The following STAT5A variants were observed in gnomAD, a reference collection of about 807,000 sequenced individuals.
The protein encoded by STAT5A is epididymis secretory sperm binding protein.
Under a neutral mutation model 100.2 loss-of-function variants are expected in STAT5A, and 26 were observed. The ratio of observed to expected loss-of-function variants is 0.26; its 90% confidence interval spans 0.19 to 0.36. The LOEUF is 0.36. Among genes scored for constraint, STAT5A ranks in the 10% least tolerant of loss-of-function variants. The pLI is 1.00. For missense variants in STAT5A, 634 were observed against 1,027.5 expected (o/e 0.62, Z 5.24); for synonymous variants, 330 against 424.3 (o/e 0.78, Z 2.73).
chr17:42,307,832 G>A (rs2081044540), intron 15 of STAT5A, 109 bp downstream of exon 15: 1 of 1,484,796 alleles, frequency 6.7e-7, no homozygotes, highest in East Asian at 2.3e-5. Flanking sequence ...TACCCAGCGG[G>A]AAGCTTAGTA....
In STAT5A at chr17:42,309,421, A is replaced by G. The variant is rs2144564433; in HGVS notation, c.2159A>G (p.Tyr720Cys). 1.2e-6 allele frequency: 2 copies of G among 1,613,566 alleles called. No individual in the cohort carries two copies. The highest frequency in any genetic ancestry group is 1.1e-5 in the South Asian group (1 of 91,050). Reference sequence around the variant, plus strand: ...GATGCTGGGGGCAGCAGCGCCACGTACATGGACCAGGCCCCCTCCCCAGCT... The same window carrying G: ...GATGCTGGGGGCAGCAGCGCCACGTGCATGGACCAGGCCCCCTCCCCAGCT... ...SADAGGSSAT[Y>C]MDQAPSPAVC... is the part of the protein sequence containing the mutation. The change falls in exon 18 of 19, where the codon TAC becomes TGC. Residue 720 changes from tyrosine (Y) to cysteine (C), a missense_variant. Around this residue, in one of 5 missense-constraint regions of STAT5A, gnomAD observed 210 missense variants for 428.4 expected, o/e 0.49. Transcript: ENST00000590949.
At chr17:42,299,941 C>T in intron 6 of STAT5A, 60 bp downstream of exon 6, 9 of 1,544,472 alleles carry the variant, frequency 5.8e-6, no homozygotes, top group Non-Finnish European at 7.9e-6. Flanking sequence ...CTCTGGGGAC[C>T]CGAGGGAGGG....
chr17:42,295,215 G>C (rs116313008), intron 4 of STAT5A, among the ~76,000 whole-genome samples: 164 of 152,276 alleles, frequency 1.1e-3, no homozygotes, highest in African/African-American at 3.7e-3. Flanking sequence ...CCATGGTATT[G>C]AGTCAGCAAA....
chr17:42,300,734 A>G lies in STAT5A; in HGVS notation c.853A>G (p.Ile285Val). 1 of 1,613,630 alleles carries G rather than the reference A, an allele frequency of 6.2e-7. No homozygotes were observed. Among genetic ancestry groups the G allele is most frequent in the Non-Finnish European group, 8.5e-7 (1 of 1,179,800 alleles). ...LQSWCEKLAE[I>V]IWQNRQQIRR... ...GTGCAGGTGTGAGAAGTTGGCCGAGATCATCTGGCAGAACCGGCAGCAGAT... is the reference window on the plus strand; with the variant it reads ...GTGCAGGTGTGAGAAGTTGGCCGAGGTCATCTGGCAGAACCGGCAGCAGAT... The change falls in exon 8 of 19, where the codon ATC (isoleucine) becomes GTC (valine). Residue 285 changes from isoleucine (I) to valine (V), a missense_variant. This residue lies in a region of STAT5A where 98 missense variants were observed against 149.7 expected (regional missense o/e 0.65). Transcript: ENST00000590949.
chr17:42,289,614 G>A (rs543778778), intron 2 of STAT5A, 75 bp downstream of exon 2: 1 of 1,551,266 alleles, frequency 6.4e-7, no homozygotes, highest in Non-Finnish European at 8.7e-7. Flanking sequence ...TTTTACTCAT[G>A]GTGGTTTGGT....
At chr17:42,305,737 C>G (rs900545651) in intron 12 of STAT5A, 35 bp downstream of exon 12, 6 of 1,608,356 alleles carry the variant, frequency 3.7e-6, no homozygotes, top group South Asian at 1.1e-5. Flanking sequence ...CCAGCACCCC[C>G]AGGCCCTAGG....
intron 4 of STAT5A, 38 bp downstream of exon 4, chr17:42,292,099 G>T (rs1238976519): frequency 1.9e-6 from 3 of 1,607,652 alleles, no homozygotes; most frequent in Non-Finnish European, 2.6e-6. Flanking sequence ...GTGTTGAGAA[G>T]TCCCTCCATA....
At chr17:42,298,450 C>G (rs540016197) in intron 5 of STAT5A, among the ~76,000 whole-genome samples, 2 of 147,790 alleles carry the variant, frequency 1.4e-5, no homozygotes, top group South Asian at 2.2e-4. Flanking sequence ...CGTAAGCCAC[C>G]GAGCCTGGCA....
chr17:42,309,993 C>T (rs577822595), intron 18 of STAT5A, among the ~76,000 whole-genome samples: 2 of 152,344 alleles, frequency 1.3e-5, no homozygotes, highest in African/African-American at 2.4e-5. Context: ...ATCCGGACTC[C>T]ACCACCTCCC....
At chr17:42,295,883 A>G in intron 5 of STAT5A, 90 bp downstream of exon 5, 3 of 1,546,092 alleles carry the variant, frequency 1.9e-6, no homozygotes, top group Non-Finnish European at 1.7e-6. Context: ...GTCAGTGTCC[A>G]TCTCCTCAGC....
Position 42,307,629 on chromosome 17 carries a change from C to G in STAT5A, c.1812C>G (p.His604Gln). The change falls in exon 15 of 19, where the codon CAC (histidine) becomes CAG (glutamine). Residue 604 changes from histidine to glutamine, a missense_variant. This residue lies in a region of STAT5A where 210 missense variants were observed against 428.4 expected (regional missense o/e 0.49). Transcript: ENST00000590949. ...ILGFVNKQQA[H>Q]DLLINKPDGT... is the part of the protein sequence containing the mutation. Reference sequence around the variant, plus strand: ...GTTTTGTGAATAAGCAACAGGCCCACGACCTGCTCATCAACAAGCCCGACG... The same window carrying G: ...GTTTTGTGAATAAGCAACAGGCCCAGGACCTGCTCATCAACAAGCCCGACG... 1 of 1,614,080 alleles carries G rather than the reference C, an allele frequency of 6.2e-7. No homozygotes were observed. Among genetic ancestry groups the G allele is most frequent in the Non-Finnish European group, 8.5e-7 (1 of 1,180,016 alleles).
chr17:42,306,525 C>A, intron 13 of STAT5A, 78 bp downstream of exon 13: 1 of 1,546,506 alleles, frequency 6.5e-7, no homozygotes, highest in Non-Finnish European at 8.8e-7. Context: ...CAGGTTACTG[C>A]CTGGGGCTAG....
At chr17:42,301,931 G>T (rs2080983867) in intron 9 of STAT5A, among the ~76,000 whole-genome samples, 1 of 152,318 alleles carries the variant, frequency 6.6e-6, no homozygotes, top group South Asian at 2.1e-4. Flanking sequence ...CACTTTGGGA[G>T]GCCACGGTCG....
intron 8 of STAT5A, 149 bp downstream of exon 8, chr17:42,301,019 C>G (rs1190938447): frequency 1.3e-6 from 2 of 1,515,620 alleles, no homozygotes; most frequent in South Asian, 1.2e-5. Flanking sequence ...TGCTAGGTGC[C>G]GCCCTTGCCC....
chr17:42,291,657 A>G (rs568996680), intron 3 of STAT5A, among the ~76,000 whole-genome samples: 4 of 152,030 alleles, frequency 2.6e-5, no homozygotes, highest in Admixed American at 2.6e-4. Flanking sequence ...TGGAGGTTGC[A>G]GTGAGCTGAG....
Position 42,301,473 on chromosome 17 carries a change from T to A in STAT5A, c.1169+19T>A. Reference sequence around the variant, plus strand: ...CCCGCAAGTAATTGTGCCTCTCCCTTCCCCTGCCCAAGCTTAGGTGTGGGG... The same window carrying A: ...CCCGCAAGTAATTGTGCCTCTCCCTACCCCTGCCCAAGCTTAGGTGTGGGG... On this transcript the variant is annotated intron_variant, in intron 9 of 18. Transcript: ENST00000590949. 1 of 1,613,760 alleles carries A rather than the reference T, an allele frequency of 6.2e-7. No individual in the cohort carries two copies. The highest frequency in any genetic ancestry group is 8.5e-7 in the Non-Finnish European group (1 of 1,179,784).
chr17:42,296,524 A>G (rs764153461), intron 5 of STAT5A, among the ~76,000 whole-genome samples: 2 of 152,212 alleles, frequency 1.3e-5, no homozygotes, highest in Non-Finnish European at 2.9e-5. Flanking sequence ...GTAACACCTC[A>G]TCTTAGTGAG....
intron 8 of STAT5A, 69 bp downstream of exon 8, chr17:42,300,939 G>T: frequency 6.2e-7 from 1 of 1,606,968 alleles, no homozygotes; most frequent in Non-Finnish European, 8.5e-7. Flanking sequence ...GGAGCTGCAG[G>T]TGCCTTCCAG....
chr17:42,308,553 AG>A lies in STAT5A; in HGVS notation c.2062+221del. The A allele has an allele frequency of 3.2e-6, 2 of 625,002 alleles. No individual in the cohort carries two copies. Among genetic ancestry groups the A allele is most frequent in the African/African-American group, 3.7e-5 (2 of 54,376 alleles). 38.7% of individuals were successfully genotyped at this position (625,002 alleles called of 1,614,324 possible). A position where few individuals can be genotyped will look rare whatever the true frequency, so the allele number is the denominator to read the frequency against. ...CCAGCTCTCTTCTCTGCAAAGTGAA[AG>A]CTGCATGGATTCTCACTTCTGCACC... On this transcript the variant is annotated intron_variant, in intron 16 of 18. Coordinates refer to ENST00000590949, the MANE Select transcript of STAT5A (RefSeq NM_001288718.2). The surrounding 1 kb of genome is among the most constrained non-coding windows in gnomAD (Gnocchi z 4.6).
Sources: allele counts gnomAD v4.1 joint callset (sites outside exome capture counted in the v4.1 genomes callset), GRCh38; gene constraint gnomAD v4.1.1; regional missense constraint gnomAD v4.1.1; non-coding constraint Gnocchi (gnomAD v3.1); transcripts MANE v1.5; gene names NCBI Gene and HGNC (gene_info 2026-07-23, HGNC 2026-07-21).